The following PRH1 variants were observed in gnomAD, a reference collection of about 807,000 sequenced individuals.
PRH1 encodes the protein salivary acidic proline-rich phosphoprotein 1/2.
PRH1 carries 7 observed loss-of-function variants against 7.9 expected under a neutral mutation model. That is an observed-to-expected ratio of 0.89 (90% CI 0.50 to 1.67). The LOEUF (loss-of-function observed/expected upper bound fraction) is 1.67. Among genes scored for constraint, PRH1 ranks in the 40% most tolerant of loss-of-function variants. The probability of loss-of-function intolerance (pLI) is 0.00; values close to 1 mark genes in which losing one functional copy is unlikely to be tolerated. For synonymous variants in PRH1, 45 were observed against 80.8 expected (o/e 0.56, Z 2.38); for missense variants, 109 against 223.6 (o/e 0.49, Z 3.27).
At chr12:11,045,795 T>C (rs576349966) in intron 1 of PRH1, among the ~76,000 whole-genome samples, 7 of 152,312 alleles carry the variant, frequency 4.6e-5, no homozygotes, top group African/African-American at 1.2e-4. Flanking sequence ...TTTAAGACCT[T>C]AGACTAATAT....
intron 1 of PRH1, chr12:11,021,696 T>C (rs1172620602): frequency 1.9e-6 from 3 of 1,611,242 alleles, no homozygotes; most frequent in Non-Finnish European, 2.5e-6. Context: ...GCCACAAAAC[T>C]GAAAGAAAGG....
intron 1 of PRH1, among the ~76,000 whole-genome samples, chr12:11,140,894 A>G (rs1334900507): frequency 4.6e-5 from 7 of 152,122 alleles, no homozygotes; most frequent in Non-Finnish European, 8.8e-5. Flanking sequence ...TTTTTTTTCA[A>G]TGCCAGTAAT....
In PRH1 at chr12:11,076,655, T is replaced by A. The variant is rs1328308510; in HGVS notation, n.124-29467A>T. ...CAGCACTGAAAGGATCATGATCATG[T>A]TTTTTCATTCCTATTATAGAAATGA... On this transcript the variant is annotated intron_variant and non_coding_transcript_variant, in intron 1 of 4. Transcript: ENST00000541977. 1.4e-4 allele frequency: 16 copies of A among 117,188 alleles called. 2 individuals are homozygous for A. The highest frequency in any genetic ancestry group is 4.6e-4 in the African/African-American group (16 of 35,066). 7.3% of individuals were successfully genotyped at this position (117,188 alleles called of 1,614,324 possible).
At chr12:11,117,858 T>TATCC (rs1332391183), downstream of PRH1, among the ~76,000 whole-genome samples, 1 of 152,156 alleles carries the variant, frequency 6.6e-6, no homozygotes, top group African/African-American at 2.4e-5. Context: ...GACAACTGAA[T>TATCC]ATCCATATGC....
intron 1 of PRH1, among the ~76,000 whole-genome samples, chr12:11,138,775 A>T (rs1288203489): frequency 6.7e-6 from 1 of 149,424 alleles, no homozygotes; most frequent in Admixed American, 6.8e-5. Context: ...GTGGTGGCTC[A>T]TAACTGTAAT....
rs1055845103 is a variant in PRH1 at position 10,896,289 on chromosome 12, C to A, written c.-58-12014G>T. Among the ~76,000 whole-genome samples the A allele has an allele frequency of 3.9e-5, 6 of 152,084 alleles. No homozygotes were observed. In the South Asian group the frequency reaches 8.3e-4, roughly 21 times the overall value. ...ATGATGTATCCCTTTGATTCATCTA[C>A]CACCCTGGGCTAGAAATTCTAAGCC... On this transcript the variant is annotated intron_variant, in intron 2 of 3. Transcript: ENST00000539853.
intron 1 of PRH1, chr12:10,986,868 C>A: frequency 6.7e-7 from 1 of 1,492,964 alleles, no homozygotes; most frequent in Non-Finnish European, 8.9e-7. Flanking sequence ...CATATCTGAG[C>A]AGAAAAAAAG....
chr12:11,055,174 T>C (rs1943312775), intron 1 of PRH1, among the ~76,000 whole-genome samples: 1 of 151,876 alleles, frequency 6.6e-6, no homozygotes, highest in African/African-American at 2.4e-5. Flanking sequence ...GAAAATATGA[T>C]TAGTTAACAG....
In PRH1 at chr12:10,993,237, G is replaced by A. The variant is rs193054793; in HGVS notation, c.-125-19516C>T. On this transcript the variant is annotated intron_variant, in intron 1 of 3. Transcript: ENST00000539853. The stretch of plus-strand genomic sequence containing the variant: ...TTTTTAATCTACATCGATTGGGAGA[G>A]AAAATCAAAATGATTTGTTTTGGTG... 7.2e-4 allele frequency among the ~76,000 whole-genome samples: 110 copies of A among 152,290 alleles called. 1 individual carries two copies. Among genetic ancestry groups the A allele is most frequent in the African/African-American group, 2.6e-3 (107 of 41,568 alleles).
At chr12:11,058,061 T>C (rs1026747380) in intron 1 of PRH1, among the ~76,000 whole-genome samples, 1 of 152,056 alleles carries the variant, frequency 6.6e-6, no homozygotes, top group Non-Finnish European at 1.5e-5. Context: ...CATGGTGAAA[T>C]CCCAGCCCTA....
chr12:11,058,913 GCTTT>G (rs1483721143), intron 1 of PRH1, among the ~76,000 whole-genome samples: 2 of 152,186 alleles, frequency 1.3e-5, no homozygotes, highest in African/African-American at 4.8e-5. Context: ...ACAGACATGT[GCTTT>G]CTTAGATTCC....
At chr12:11,018,101 C>T (rs541636026) in intron 1 of PRH1, among the ~76,000 whole-genome samples, 1 of 152,222 alleles carries the variant, frequency 6.6e-6, no homozygotes, top group African/African-American at 2.4e-5. Context: ...CCAGATGATC[C>T]AGCAGAATTC....
In PRH1 at chr12:11,030,848, G is replaced by A. The variant is rs528748636; in HGVS notation, c.-126+16172C>T. The stretch of plus-strand genomic sequence containing the variant: ...TGCACTCCTCAATTTGATCTTCCAA[G>A]TCAAGTTTCCTTCATATTCTTTTGT... On this transcript the variant is annotated intron_variant, in intron 1 of 3. Coordinates refer to the PRH1 transcript ENST00000539853. The A allele has an allele frequency of 3.3e-5, 54 of 1,614,170 alleles. No individual in the cohort carries two copies. In the East Asian group the frequency reaches 1.2e-3, roughly 36 times the overall value.
intron 2 of PRH1, among the ~76,000 whole-genome samples, chr12:10,929,776 C>T (rs1950176437): frequency 6.6e-6 from 1 of 152,124 alleles, no homozygotes; most frequent in Non-Finnish European, 1.5e-5. Flanking sequence ...TAAACACTTG[C>T]CTCTGTCTAC....
At chr12:10,900,882 G>T (rs1181905938) in intron 2 of PRH1, among the ~76,000 whole-genome samples, 1 of 152,126 alleles carries the variant, frequency 6.6e-6, no homozygotes, top group African/African-American at 2.4e-5. Context: ...TGCTAGCAAG[G>T]TTCAGCACCC....
intron 1 of PRH1, chr12:11,030,275 G>A (rs34763234): frequency 0.54 from 722,790 of 1,328,576 alleles, 181,010 homozygotes; most frequent in Non-Finnish European, 0.57. Flanking sequence ...TAGGTCAAAG[G>A]CTTTTCTAGG....
Position 10,884,247 on chromosome 12 carries a change from C to T in PRH1, c.-30G>A. ...CAGGAGGCTCTGGTGTCACTCCCAA[C>T]TTTGTGCTGGGAGAAACGTGTCAGC... On this transcript the variant is annotated 5_prime_UTR_variant, in exon 1 of 4. Transcript: ENST00000543626. 1 of 1,614,144 alleles carries T rather than the reference C, an allele frequency of 6.2e-7. No individual in the cohort carries two copies. The highest frequency in any genetic ancestry group is 8.5e-7 in the Non-Finnish European group (1 of 1,179,980).
At position 11,145,747 on chromosome 12, in the gene PRH1, T is replaced by C. The variant is rs538000437; in HGVS notation, n.40-24567A>G. Among the ~76,000 whole-genome samples, 519 of 130,522 alleles carry C rather than the reference T, an allele frequency of 4.0e-3. 5 individuals carry two copies. The highest frequency in any genetic ancestry group is 7.0e-3 in the Non-Finnish European group (400 of 57,028). The allele number at this position is 130,522 out of a possible 152,430, so 85.6% of individuals were successfully genotyped here. A position where few individuals can be genotyped will look rare whatever the true frequency, so the allele number is the denominator to read the frequency against. On this transcript the variant is annotated intron_variant and non_coding_transcript_variant, in intron 1 of 1. Transcript: ENST00000541175. ...GCTTAAGCCAGCATTGCCTAAAATA[T>C]TTAAAAATTAAGAACTTTTTTTTTG...
At chr12:11,027,195 G>T (rs1419187095) in intron 1 of PRH1, among the ~76,000 whole-genome samples, 4 of 150,852 alleles carry the variant, frequency 2.7e-5, no homozygotes, top group Non-Finnish European at 5.9e-5. Flanking sequence ...AGCCCAGAAG[G>T]TTGAGGCTGT....
Sources: allele counts gnomAD v4.1 joint callset (sites outside exome capture counted in the v4.1 genomes callset), GRCh38; gene constraint gnomAD v4.1.1; transcripts MANE v1.5; gene names NCBI Gene and HGNC (gene_info 2026-07-23, HGNC 2026-07-21).